The following DNAH8 variants were observed in gnomAD, a reference collection of about 807,000 sequenced individuals.
DNAH8 encodes the protein dynein axonemal heavy chain 8.
In DNAH8, 382 loss-of-function variants were observed where a neutral mutation model predicts 562.1. That is an observed-to-expected ratio of 0.68 (90% confidence interval 0.63 to 0.74). The LOEUF (loss-of-function observed/expected upper bound fraction) is 0.74. DNAH8 is among the 30% of genes least tolerant of loss of function. The pLI is 0.00. For synonymous variants in DNAH8, 1,881 were observed against 1,919.4 expected (o/e 0.98, Z 0.52); for missense variants, 5,203 against 5,620.4 (o/e 0.93, Z 2.37).
chr6:38,798,518 T>C (rs1413964875), intron 21 of DNAH8, among the ~76,000 whole-genome samples: 1 of 152,160 alleles, frequency 6.6e-6, no homozygotes, highest in Non-Finnish European at 1.5e-5. Flanking sequence ...TGACGTGTTA[T>C]AGAGGTAGTA....
chr6:38,761,662 C>A, intron 10 of DNAH8, 40 bp from the exon 11 acceptor site: 7 of 1,138,400 alleles, frequency 6.1e-6, no homozygotes, highest in Non-Finnish European at 8.6e-6. Context: ...TGTTATTTCT[C>A]TTTTTACATA....
intron 88 of DNAH8, among the ~76,000 whole-genome samples, chr6:38,998,330 T>C (rs1421243231): frequency 2.6e-5 from 4 of 152,144 alleles, no homozygotes; most frequent in Non-Finnish European, 5.9e-5. Flanking sequence ...AAATACACAG[T>C]TTATTCACAT....
At chr6:38,746,396 A>G (rs536345552) in intron 8 of DNAH8, among the ~76,000 whole-genome samples, 2 of 151,932 alleles carry the variant, frequency 1.3e-5, no homozygotes, top group African/African-American at 4.8e-5. Context: ...CTCATTTTGT[A>G]TTTGTTCTGC....
At chr6:38,971,721 A>G in intron 83 of DNAH8, 56 bp downstream of exon 83, 3 of 1,346,052 alleles carry the variant, frequency 2.2e-6, no homozygotes, top group Non-Finnish European at 3.1e-6. Context: ...CCCCACAATC[A>G]TGGATGTTAC....
chr6:38,924,239 G>C, intron 73 of DNAH8, 77 bp downstream of exon 73: 1 of 1,455,784 alleles, frequency 6.9e-7, no homozygotes, highest in South Asian at 1.3e-5. Flanking sequence ...CCGGCTGGGT[G>C]TGGTGGCTCA....
chr6:38,847,086 A>G (rs1253378569), intron 36 of DNAH8, among the ~76,000 whole-genome samples: 1 of 152,164 alleles, frequency 6.6e-6, no homozygotes, highest in Non-Finnish European at 1.5e-5. Flanking sequence ...ATGTGACTTC[A>G]GAAGGAAGCT....
chr6:38,823,652 C>T lies in DNAH8; in HGVS notation c.3811C>T (p.Pro1271Ser). The change falls in exon 28 of 93, where the codon CCT (proline) becomes TCT (serine). Residue 1271 changes from proline (P) to serine (S), a missense_variant. Transcript: ENST00000327475. ...TGAACAGGAGATTGATGAGTTGAAG[C>T]CTATTATTGTTGTAGGAGCACTTGA... is the stretch of plus-strand genomic sequence containing the variant. ...TFEQEIDELK[P>S]IIVVGALELH... The T allele has an allele frequency of 2.5e-6, 4 of 1,604,270 alleles. No individual in the cohort carries two copies. Among genetic ancestry groups the T allele is most frequent in the Non-Finnish European group, 3.4e-6 (4 of 1,171,646 alleles).
chr6:38,740,440 T>C (rs760555554), intron 7 of DNAH8, among the ~76,000 whole-genome samples: 3 of 152,242 alleles, frequency 2.0e-5, no homozygotes, highest in Non-Finnish European at 4.4e-5. Context: ...TTTCTAGTTA[T>C]CTTATCACTG....
At chr6:38,868,011 A>G (rs201459679) in intron 47 of DNAH8, 51 bp from the exon 48 acceptor site, 89 of 1,571,786 alleles carry the variant, frequency 5.7e-5, no homozygotes, top group Middle Eastern at 5.2e-4. Context: ...CCGTGAGTCT[A>G]TGTTTAGTTT....
At chr6:38,926,347 G>C (rs1057072243) in intron 74 of DNAH8, 137 bp downstream of exon 74, 1 of 837,372 alleles carries the variant, frequency 1.2e-6, no homozygotes, top group Admixed American at 2.7e-5. Context: ...TTTTGTAACA[G>C]CAATTTGGGG....
intron 18 of DNAH8, among the ~76,000 whole-genome samples, 188 bp downstream of exon 18, chr6:38,787,140 A>G (rs2127649697): frequency 6.6e-6 from 1 of 152,218 alleles, no homozygotes; most frequent in East Asian, 1.9e-4. Flanking sequence ...TGGAAAGCAA[A>G]AAGTGAGAAG....
At chr6:38,766,260 A>G (rs1292511736) in intron 11 of DNAH8, among the ~76,000 whole-genome samples, 1 of 152,160 alleles carries the variant, frequency 6.6e-6, no homozygotes, top group Non-Finnish European at 1.5e-5. Flanking sequence ...CATTATGCTA[A>G]GTGAAATAAG....
chr6:38,836,805 G>A (rs146759352), intron 32 of DNAH8, among the ~76,000 whole-genome samples: 3,225 of 152,166 alleles, frequency 0.021, 45 homozygotes, highest in Non-Finnish European at 0.03. Flanking sequence ...GAGTTCTTGG[G>A]CACCCTGCTG....
At chr6:38,907,818 G>A in intron 63 of DNAH8, 138 bp from the exon 64 acceptor site, 1 of 675,696 alleles carries the variant, frequency 1.5e-6, no homozygotes. Flanking sequence ...TGGCAAATCA[G>A]GGATTTGACT....
chr6:38,986,588 T>C (rs1309215898), intron 87 of DNAH8, among the ~76,000 whole-genome samples: 2 of 152,164 alleles, frequency 1.3e-5, no homozygotes, highest in Non-Finnish European at 2.9e-5. Flanking sequence ...AAAAAAGATG[T>C]CTTAATAAGT....
At chr6:38,836,453 A>C (rs556899071) in intron 32 of DNAH8, among the ~76,000 whole-genome samples, 24 of 151,916 alleles carry the variant, frequency 1.6e-4, no homozygotes, top group African/African-American at 4.1e-4. Flanking sequence ...TCTCAAAAAA[A>C]AAAACAAAAC....
chr6:38,853,643 G>A (rs1302523699), intron 41 of DNAH8, among the ~76,000 whole-genome samples: 1 of 150,598 alleles, frequency 6.6e-6, no homozygotes, highest in Non-Finnish European at 1.5e-5. Context: ...GTGTGTATTT[G>A]TATACAGAAA....
intron 45 of DNAH8, among the ~76,000 whole-genome samples, chr6:38,864,949 G>A (rs1015322338): frequency 3.9e-5 from 6 of 152,018 alleles, no homozygotes; most frequent in South Asian, 2.1e-4. Context: ...CTTTGACACC[G>A]AATAAAAGGA....
rs770645189 is a variant in DNAH8 at position 38,862,442 on chromosome 6, A to G, written c.6294A>G (p.Leu2098=). 5 of 1,608,142 alleles carry G rather than the reference A, an allele frequency of 3.1e-6. No homozygotes were observed. In the African/African-American group the frequency reaches 4.0e-5, roughly 13 times the overall value. Residue 2098 remains leucine, a synonymous_variant, in exon 44 of 93, where the codon CTA becomes CTG. Transcript: ENST00000327475. ...NCSDQMDFRG[L]GRIFKGLAQS... ...CAGATCAAATGGATTTCAGAGGCCT[A>G]GGAAGGATTTTCAAAGGCAAGTGTC...
Sources: gnomAD v4.1 joint callset for allele counts (sites outside exome capture counted in the v4.1 genomes callset) on GRCh38, gnomAD v4.1.1 for gene constraint, MANE v1.5 for transcripts, NCBI Gene and HGNC (gene_info 2026-07-23, HGNC 2026-07-21) for gene names.